KCNT2: variants seen among roughly 807,000 people sequenced by gnomAD.
KCNT2 encodes potassium channel subfamily T member 2.
Under a neutral mutation model 153.8 loss-of-function variants are expected in KCNT2, and 67 were observed. The observed-to-expected ratio is 0.44, with a 90% confidence interval of 0.36 to 0.53. KCNT2 has a LOEUF of 0.53. Ranked by LOEUF, KCNT2 falls within the 20% of genes least tolerant of loss-of-function variation. The pLI is 0.00. For synonymous variants in KCNT2, 500 were observed against 458.8 expected (o/e 1.09, Z -1.15); for missense variants, 975 against 1,354.8 (o/e 0.72, Z 4.40).
chr1:196,592,082 T>C (rs1663425310), intron 1 of KCNT2, among the ~76,000 whole-genome samples: 1 of 152,092 alleles, frequency 6.6e-6, no homozygotes, highest in African/African-American at 2.4e-5. Context: ...TTCACACCTA[T>C]GTTTGTTGCG....
intron 14 of KCNT2, among the ~76,000 whole-genome samples, chr1:196,368,624 T>C (rs1490803448): frequency 1.3e-5 from 2 of 152,172 alleles, no homozygotes; most frequent in African/African-American, 4.8e-5. Context: ...GAATCATCTA[T>C]GTTGTTAACA....
chr1:196,277,512 T>A (rs1658680341), intron 25 of KCNT2, among the ~76,000 whole-genome samples: 1 of 152,176 alleles, frequency 6.6e-6, no homozygotes, highest in Admixed American at 6.6e-5. Flanking sequence ...CACAGACCAC[T>A]TCCATAGACT....
intron 27 of KCNT2, among the ~76,000 whole-genome samples, chr1:196,232,716 A>G (rs994371925): frequency 6.6e-6 from 1 of 151,564 alleles, no homozygotes; most frequent in African/African-American, 2.4e-5. Flanking sequence ...TGTGACATAC[A>G]TATTTTATTC....
chr1:196,387,008 T>C (rs1354151460), intron 13 of KCNT2, among the ~76,000 whole-genome samples: 2 of 152,120 alleles, frequency 1.3e-5, no homozygotes, highest in Non-Finnish European at 2.9e-5. Flanking sequence ...AACTTATAGT[T>C]ATAATTAGGT....
In KCNT2 at chr1:196,490,972, C is replaced by A. The variant is rs182976093; in HGVS notation, c.176-1035G>T. 4.3e-3 allele frequency among the ~76,000 whole-genome samples: 660 copies of A among 152,076 alleles called. 5 individuals are homozygous for A. Among genetic ancestry groups the A allele is most frequent in the South Asian group, 0.011 (52 of 4,818 alleles). ...TACCAGTAAAAAGGTCGATGCTTAT[C>A]ATTTGTGAAATTTTTCCAAGGTTTT... On this transcript the variant is annotated intron_variant, in intron 2 of 27. Coordinates refer to ENST00000294725, the MANE Select transcript of KCNT2 (RefSeq NM_198503.5).
intron 4 of KCNT2, among the ~76,000 whole-genome samples, chr1:196,480,391 A>C (rs1678906069): frequency 6.6e-6 from 1 of 152,178 alleles, no homozygotes; most frequent in Non-Finnish European, 1.5e-5. Flanking sequence ...TAAGTAAAAT[A>C]TGTTCAGAAG....
chr1:196,477,147 GTTTTT>G (rs767081831), intron 5 of KCNT2, among the ~76,000 whole-genome samples: 1 of 149,814 alleles, frequency 6.7e-6, no homozygotes, highest in Non-Finnish European at 1.5e-5. Context: ...AGAAATTAGT[GTTTTT>G]TTTAAGATGG....
At chr1:196,532,874 A>T (rs1045048901) in intron 1 of KCNT2, among the ~76,000 whole-genome samples, 13 of 152,162 alleles carry the variant, frequency 8.5e-5, no homozygotes, top group African/African-American at 3.1e-4. Context: ...CAATGAAACA[A>T]AGGAGCTCGG....
chr1:196,292,769 G>A (rs199532594), intron 22 of KCNT2, among the ~76,000 whole-genome samples: 3 of 139,882 alleles, frequency 2.1e-5, no homozygotes, highest in South Asian at 2.2e-4. Flanking sequence ...TGGAGATTGC[G>A]CCACTGCACT....
intron 22 of KCNT2, among the ~76,000 whole-genome samples, chr1:196,290,652 T>C (rs1042577133): frequency 1.3e-5 from 2 of 151,954 alleles, no homozygotes; most frequent in African/African-American, 2.4e-5. Flanking sequence ...TTTTTACTTA[T>C]GTACTATAAT....
At chr1:196,449,380 G>T (rs1483270480) in intron 8 of KCNT2, among the ~76,000 whole-genome samples, 1 of 151,550 alleles carries the variant, frequency 6.6e-6, no homozygotes, top group East Asian at 2.0e-4. Flanking sequence ...AATTCAATGG[G>T]CTAACAGACA....
intron 12 of KCNT2, among the ~76,000 whole-genome samples, chr1:196,421,708 G>A (rs767785511): frequency 1.6e-4 from 25 of 151,872 alleles, no homozygotes; most frequent in Non-Finnish European, 5.9e-5. Flanking sequence ...TAGTTTCCTA[G>A]GGCTGCCAAA....
At chr1:196,261,987 A>T (rs1009579621) in intron 25 of KCNT2, among the ~76,000 whole-genome samples, 5 of 151,926 alleles carry the variant, frequency 3.3e-5, no homozygotes, top group Non-Finnish European at 7.4e-5. Flanking sequence ...TTAAAATATT[A>T]TCATTTTCTA....
chr1:196,465,223 A>T (rs773833297), intron 8 of KCNT2, 70 bp downstream of exon 8: 74 of 817,416 alleles, frequency 9.1e-5, no homozygotes, highest in Non-Finnish European at 1.3e-4. Context: ...AAAGTTATTT[A>T]TAATATGGTT....
intron 17 of KCNT2, among the ~76,000 whole-genome samples, chr1:196,331,902 A>G (rs955014934): frequency 1.3e-5 from 2 of 152,156 alleles, no homozygotes; most frequent in East Asian, 1.9e-4. Flanking sequence ...TACTTAAAAC[A>G]TTATCAGAGA....
rs541179635 is a variant in KCNT2, at chr1:196,258,813, T to G, written c.2911-319A>C. 3 of 258,868 alleles carry G rather than the reference T, an allele frequency of 1.2e-5. No individual in the cohort carries two copies. In the East Asian group the frequency reaches 2.7e-4, roughly 23 times the overall value. The allele number at this position is 258,868 out of a possible 1,614,324, so 16.0% of individuals were successfully genotyped here. A position where few individuals can be genotyped will look rare whatever the true frequency, so the allele number is the denominator to read the frequency against. On this transcript the variant is annotated intron_variant, in intron 25 of 27. Coordinates refer to ENST00000294725, the MANE Select transcript of KCNT2 (RefSeq NM_198503.5). ...ATGATATTACTAGCATACAGTTGTT[T>G]GAAACATACAAAACCAGACATTTTA...
At chr1:196,354,574 G>C (rs963507442) in intron 14 of KCNT2, among the ~76,000 whole-genome samples, 1 of 151,498 alleles carries the variant, frequency 6.6e-6, no homozygotes, top group African/African-American at 2.4e-5. Context: ...GAAATATTTT[G>C]ACATTTTTGG....
At chr1:196,320,740 C>A (rs1663220161) in intron 19 of KCNT2, among the ~76,000 whole-genome samples, 1 of 151,292 alleles carries the variant, frequency 6.6e-6, no homozygotes, top group Non-Finnish European at 1.5e-5. Context: ...GTAAAGAATA[C>A]CATTATTTTA....
chr1:196,493,676 G>A (rs745720285), intron 1 of KCNT2, among the ~76,000 whole-genome samples: 1 of 151,976 alleles, frequency 6.6e-6, no homozygotes, highest in Non-Finnish European at 1.5e-5. Flanking sequence ...TCTACATTAG[G>A]TATTTCTCCT....
Sources: allele counts gnomAD v4.1 joint callset (sites outside exome capture counted in the v4.1 genomes callset), GRCh38; gene constraint gnomAD v4.1.1; transcripts MANE v1.5; gene names NCBI Gene and HGNC (gene_info 2026-07-23, HGNC 2026-07-21).